Variants in SPATA6 observed in about 807,000 individuals in gnomAD.
SPATA6 encodes the protein spermatogenesis associated 6, also known as spermatogenesis-associated protein 6.
SPATA6 carries 56 observed loss-of-function variants against 65.3 expected under a neutral mutation model. The observed-to-expected ratio is 0.86, with a 90% CI of 0.69 to 1.07. The LOEUF (loss-of-function observed/expected upper bound fraction) is 1.07. SPATA6 is among the 50% of genes least tolerant of loss of function. The probability of loss-of-function intolerance (pLI) is 0.00; values close to 1 mark genes in which losing one functional copy is unlikely to be tolerated. For synonymous variants in SPATA6, 199 were observed against 213.2 expected (o/e 0.93, Z 0.58); for missense variants, 590 against 594.8 (o/e 0.99, Z 0.08).
chr1:48,312,972 T>A (rs1645269862), intron 11 of SPATA6, among the ~76,000 whole-genome samples: 2 of 151,920 alleles, frequency 1.3e-5, no homozygotes, highest in South Asian at 4.1e-4. Context: ...ATGAATGACA[T>A]GAAGCGAGAA....
At chr1:48,282,216 A>G in the SPATA6 span, among the ~76,000 whole-genome samples, 3 of 152,356 alleles carry the variant, frequency 2.0e-5, no homozygotes, top group South Asian at 4.1e-4. Flanking sequence ...CGTTAGACCT[A>G]AAACCATAAA....
At chr1:48,289,606 A>G in the SPATA6 span, among the ~76,000 whole-genome samples, 1 of 152,248 alleles carries the variant, frequency 6.6e-6, no homozygotes, top group Non-Finnish European at 1.5e-5. Context: ...CCTTGAAAAA[A>G]GATTAGATGA....
intron 3 of SPATA6, among the ~76,000 whole-genome samples, chr1:48,441,651 G>A (rs886092543): frequency 6.6e-6 from 1 of 152,082 alleles, no homozygotes; most frequent in Non-Finnish European, 1.5e-5. Context: ...ACACGTCACA[G>A]AGAGGGCAGG....
At chr1:48,407,926 T>A (rs979533995) in intron 5 of SPATA6, among the ~76,000 whole-genome samples, 6 of 152,218 alleles carry the variant, frequency 3.9e-5, no homozygotes, top group Non-Finnish European at 7.4e-5. Flanking sequence ...TAATACAGAA[T>A]TTTAAATTAC....
At chr1:48,471,887 C>T (rs72897239) in intron 1 of SPATA6, 71 bp downstream of exon 1, 55,909 of 1,563,752 alleles carry the variant, frequency 0.036, 1,664 homozygotes, top group South Asian at 0.12. Context: ...GGGGTGGTTC[C>T]GGGCTCTCGG....
At chr1:48,421,829 A>G (rs1295509541) in intron 3 of SPATA6, among the ~76,000 whole-genome samples, 1 of 152,192 alleles carries the variant, frequency 6.6e-6, no homozygotes, top group Non-Finnish European at 1.5e-5. Flanking sequence ...AAGCTGGAAG[A>G]AAACAAGTTT....
At chr1:48,438,057 C>T (rs2148090358) in intron 3 of SPATA6, among the ~76,000 whole-genome samples, 1 of 152,218 alleles carries the variant, frequency 6.6e-6, no homozygotes, top group Non-Finnish European at 1.5e-5. Context: ...GTGGCCACCC[C>T]AGCCAGCAGC....
chr1:48,384,158 A>T (rs1331070299), intron 9 of SPATA6, among the ~76,000 whole-genome samples: 3 of 146,538 alleles, frequency 2.0e-5, no homozygotes, highest in Non-Finnish European at 4.5e-5. Flanking sequence ...ACACAGCGAA[A>T]CCCCGTCTCC....
chr1:48,429,643 G>A (rs138557863), intron 3 of SPATA6, among the ~76,000 whole-genome samples: 7 of 151,994 alleles, frequency 4.6e-5, no homozygotes, highest in Middle Eastern at 6.8e-3. Flanking sequence ...AAAATAAATC[G>A]GCAGAAACTA....
intron 11 of SPATA6, among the ~76,000 whole-genome samples, chr1:48,318,606 T>G (rs919116845): frequency 5.9e-5 from 9 of 152,116 alleles, no homozygotes; most frequent in African/African-American, 2.2e-4. Flanking sequence ...TAAAACATAT[T>G]TCATATAAGA....
the SPATA6 span, among the ~76,000 whole-genome samples, chr1:48,278,733 A>G: frequency 6.6e-6 from 1 of 152,354 alleles, no homozygotes; most frequent in South Asian, 2.1e-4. Flanking sequence ...GACGGGGAGA[A>G]TGGAACCAAG....
chr1:48,388,932 C>G (rs545839305), intron 8 of SPATA6, among the ~76,000 whole-genome samples: 1 of 152,110 alleles, frequency 6.6e-6, no homozygotes, highest in East Asian at 1.9e-4. Context: ...CTTGCCCAGG[C>G]TGGAGTACAA....
chr1:48,390,272 A>T (rs1181840071), intron 8 of SPATA6, among the ~76,000 whole-genome samples: 2 of 152,234 alleles, frequency 1.3e-5, no homozygotes, highest in Non-Finnish European at 2.9e-5. Flanking sequence ...TTGCAGCAAC[A>T]TGAATGGAAC....
intron 11 of SPATA6, among the ~76,000 whole-genome samples, chr1:48,306,917 T>G (rs1010640194): frequency 6.6e-6 from 1 of 151,924 alleles, no homozygotes; most frequent in African/African-American, 2.4e-5. Flanking sequence ...TTTTTTTCCC[T>G]TAACTTATTT....
chr1:48,394,470 TTG>T (rs948723399), intron 8 of SPATA6, among the ~76,000 whole-genome samples: 2 of 152,042 alleles, frequency 1.3e-5, no homozygotes, highest in African/African-American at 4.8e-5. Context: ...TAATCTGCTA[TTG>T]TGGATATAAA....
At chr1:48,429,350 C>T (rs1049992560) in intron 3 of SPATA6, among the ~76,000 whole-genome samples, 1 of 151,966 alleles carries the variant, frequency 6.6e-6, no homozygotes. Flanking sequence ...ACTGCATATA[C>T]AGAGAAAATT....
At chr1:48,316,489 G>T (rs1393712688) in intron 11 of SPATA6, among the ~76,000 whole-genome samples, 1 of 152,158 alleles carries the variant, frequency 6.6e-6, no homozygotes, top group Non-Finnish European at 1.5e-5. Flanking sequence ...TATTTAGAAA[G>T]CTGAAACTGG....
chr1:48,385,573 A>G (rs902360870), intron 8 of SPATA6, among the ~76,000 whole-genome samples: 1 of 152,240 alleles, frequency 6.6e-6, no homozygotes, highest in Admixed American at 6.5e-5. Context: ...ATTTGAAAAT[A>G]GCAGGAAATA....
intron 11 of SPATA6, among the ~76,000 whole-genome samples, chr1:48,329,774 G>A (rs917626268): frequency 6.6e-5 from 10 of 152,170 alleles, no homozygotes; most frequent in Non-Finnish European, 1.3e-4. Context: ...TGAGCTCAGC[G>A]CAGAACCAGG....
Sources: gnomAD v4.1 joint callset for allele counts (sites outside exome capture counted in the v4.1 genomes callset) on GRCh38, gnomAD v4.1.1 for gene constraint, MANE v1.5 for transcripts, NCBI Gene and HGNC (gene_info 2026-07-23, HGNC 2026-07-21) for gene names.